Variants in SCFD2 observed in about 807,000 individuals in gnomAD.
SCFD2 encodes the protein sec1 family domain containing 2.
In SCFD2, 54 loss-of-function variants were observed where a neutral mutation model predicts 58.9. The ratio of observed to expected loss-of-function variants is 0.92; its 90% CI spans 0.74 to 1.15. The LOEUF (loss-of-function observed/expected upper bound fraction) is 1.15, where lower values mean the gene tolerates loss of function less well. SCFD2 is among the 50% of genes most tolerant of loss of function. SCFD2 has a pLI of 0.00. For synonymous variants in SCFD2, 321 were observed against 335.9 expected, an observed-to-expected ratio of 0.96 and a Z score of 0.49; for missense variants, 805 against 836.6, an observed-to-expected ratio of 0.96 and a Z score of 0.47.
intron 2 of SCFD2, among the ~76,000 whole-genome samples, chr4:53,338,853 T>A (rs1272387610): frequency 6.6e-6 from 1 of 152,028 alleles, no homozygotes; most frequent in Non-Finnish European, 1.5e-5. Flanking sequence ...GTGCTGGGAT[T>A]ACAGGCGTGA....
chr4:53,114,021 C>T (rs1725249255), intron 5 of SCFD2, among the ~76,000 whole-genome samples: 1 of 152,010 alleles, frequency 6.6e-6, no homozygotes, highest in African/African-American at 2.4e-5. Context: ...AAACCAGATT[C>T]CCTGAGGATT....
In SCFD2 at chr4:53,274,010, A is replaced by G. The variant is rs766240983; in HGVS notation, c.1136-9T>C. 39 of 1,604,820 alleles carry G rather than the reference A, an allele frequency of 2.4e-5. No homozygotes were observed. The highest frequency in any genetic ancestry group is 3.2e-5 in the Non-Finnish European group (38 of 1,175,798). On this transcript the variant is annotated splice_polypyrimidine_tract_variant and intron_variant, in intron 3 of 8. Coordinates refer to ENST00000401642, the MANE Select transcript of SCFD2 (RefSeq NM_152540.4). ...TCCCGGTGTGACTCTCCCTGGAAAC[A>G]TAAGAATTTATCAGTGTACCCCCTT... is the stretch of plus-strand genomic sequence containing the variant.
chr4:52,983,721 C>G (rs1395641908), intron 5 of SCFD2, among the ~76,000 whole-genome samples: 1 of 152,144 alleles, frequency 6.6e-6, no homozygotes, highest in Non-Finnish European at 1.5e-5. Context: ...ATGTCTAAAA[C>G]TGTGAAACCC....
intron 4 of SCFD2, among the ~76,000 whole-genome samples, chr4:53,174,090 C>A (rs1163148667): frequency 6.6e-6 from 1 of 151,948 alleles, no homozygotes; most frequent in Non-Finnish European, 1.5e-5. Flanking sequence ...AACTCAAATA[C>A]TGACTTCAAA....
chr4:53,178,403 CTCT>C (rs1432622456), intron 4 of SCFD2, among the ~76,000 whole-genome samples: 1 of 152,164 alleles, frequency 6.6e-6, no homozygotes, highest in Non-Finnish European at 1.5e-5. Context: ...TGGAGTGGAC[CTCT>C]AGCAAACTCC....
At chr4:53,252,343 C>A (rs1730419853) in intron 4 of SCFD2, among the ~76,000 whole-genome samples, 1 of 150,742 alleles carries the variant, frequency 6.6e-6, no homozygotes, top group Middle Eastern at 3.2e-3. Context: ...CCATCCCCAT[C>A]AAGCTACCAA....
At chr4:53,344,062 C>T (rs1733976011) in intron 2 of SCFD2, among the ~76,000 whole-genome samples, 1 of 152,010 alleles carries the variant, frequency 6.6e-6, no homozygotes, top group African/African-American at 2.4e-5. Flanking sequence ...CCTCTCTCAC[C>T]ACTCCTATTC....
intron 5 of SCFD2, among the ~76,000 whole-genome samples, chr4:53,083,126 G>A (rs1231911431): frequency 6.6e-6 from 1 of 152,202 alleles, no homozygotes; most frequent in East Asian, 1.9e-4. Flanking sequence ...TCGGTGATGG[G>A]TGAAGGCTGG....
At chr4:53,103,679 G>A (rs1577729457) in intron 5 of SCFD2, among the ~76,000 whole-genome samples, 1 of 144,648 alleles carries the variant, frequency 6.9e-6, no homozygotes, top group South Asian at 2.1e-4. Flanking sequence ...GTGAAAGGAA[G>A]CAGGGTTCCC....
At chr4:53,107,889 A>G (rs182451096) in intron 5 of SCFD2, among the ~76,000 whole-genome samples, 7 of 152,346 alleles carry the variant, frequency 4.6e-5, no homozygotes, top group African/African-American at 1.7e-4. Context: ...ACTGACATCT[A>G]CAGAATTCTC....
In SCFD2 at chr4:53,124,317, G is replaced by A. The variant is rs188265273; in HGVS notation, c.1561+21016C>T. Among the ~76,000 whole-genome samples, 1,382 of 152,262 alleles carry A rather than the reference G, an allele frequency of 9.1e-3. 10 individuals carry two copies. The highest frequency in any genetic ancestry group is 0.041 in the Middle Eastern group (12 of 294). On this transcript the variant is annotated intron_variant, in intron 5 of 8. Transcript: ENST00000401642. Reference sequence around the variant, plus strand: ...TCTGATAACCAAACTTCACATGGTTGGGCCAGAGAAAGCTGAGGATCAAAC... The same window carrying A: ...TCTGATAACCAAACTTCACATGGTTAGGCCAGAGAAAGCTGAGGATCAAAC...
chr4:52,951,171 A>G (rs180846907), intron 5 of SCFD2: 54 of 152,218 alleles, frequency 3.5e-4, no homozygotes, highest in African/African-American at 1.2e-3. Flanking sequence ...TCATTCATTA[A>G]TTCTCTCCCT....
At chr4:53,234,663 T>C (rs1729540367) in intron 4 of SCFD2, among the ~76,000 whole-genome samples, 2 of 152,204 alleles carry the variant, frequency 1.3e-5, no homozygotes, top group Non-Finnish European at 2.9e-5. Context: ...GAAATATTCA[T>C]ACACTACTTC....
chr4:52,896,104 C>T (rs1472782140), intron 7 of SCFD2, among the ~76,000 whole-genome samples: 3 of 152,042 alleles, frequency 2.0e-5, no homozygotes, highest in African/African-American at 4.8e-5. Flanking sequence ...TTCTCCCATT[C>T]TGTAGGTTGC....
chr4:53,244,766 G>A (rs559275830), intron 4 of SCFD2, among the ~76,000 whole-genome samples: 108 of 151,392 alleles, frequency 7.1e-4, no homozygotes, highest in African/African-American at 2.5e-3. Flanking sequence ...GAAGGAGACT[G>A]AGATGTGAAA....
intron 5 of SCFD2, among the ~76,000 whole-genome samples, chr4:53,113,048 A>G (rs1360435810): frequency 6.6e-6 from 1 of 152,012 alleles, no homozygotes; most frequent in Admixed American, 6.6e-5. Flanking sequence ...CAAGGCCTTG[A>G]GTTACTCTGT....
intron 5 of SCFD2, among the ~76,000 whole-genome samples, chr4:53,046,517 T>C (rs980049053): frequency 7.9e-5 from 12 of 151,876 alleles, no homozygotes; most frequent in East Asian, 1.9e-4. Context: ...GCCTGACCTA[T>C]ACCATTTTTT....
intron 5 of SCFD2, among the ~76,000 whole-genome samples, chr4:53,033,709 G>T (rs1722681309): frequency 6.6e-6 from 1 of 152,084 alleles, no homozygotes; most frequent in African/African-American, 2.4e-5. Flanking sequence ...AAATAAACTA[G>T]AAAATCTAGA....
At chr4:53,222,023 T>A (rs1422744289) in intron 4 of SCFD2, among the ~76,000 whole-genome samples, 1 of 152,196 alleles carries the variant, frequency 6.6e-6, no homozygotes, top group African/African-American at 2.4e-5. Flanking sequence ...ACCAGACAGG[T>A]TCCTGGCCAC....
Sources: allele counts gnomAD v4.1 joint callset (sites outside exome capture counted in the v4.1 genomes callset), GRCh38; gene constraint gnomAD v4.1.1; transcripts MANE v1.5; gene names NCBI Gene and HGNC (gene_info 2026-07-23, HGNC 2026-07-21).